The following C10orf67 variants were observed in gnomAD, a reference collection of about 807,000 sequenced individuals.
C10orf67 encodes uncharacterized protein C10orf67, mitochondrial.
Under a neutral mutation model 35.6 loss-of-function variants are expected in C10orf67, and 60 were observed. The observed-to-expected ratio is 1.68, with a 90% CI of 1.37 to 2.09. The LOEUF (loss-of-function observed/expected upper bound fraction) is 2.09. C10orf67 is among the 30% of genes most tolerant of loss of function. C10orf67 has a pLI of 0.00. For synonymous variants in C10orf67, 167 were observed against 115.8 expected, an observed-to-expected ratio of 1.44 and a Z score of -2.84; for missense variants, 474 against 330.2, an observed-to-expected ratio of 1.44 and a Z score of -3.38.
chr10:23,253,710 A>G (rs10764397), intron 10 of C10orf67, among the ~76,000 whole-genome samples: 19,450 of 152,152 alleles, frequency 0.13, 2,401 homozygotes, highest in East Asian at 0.66. Flanking sequence ...ATTAGTTTCA[A>G]TTTTTAAGGC....
chr10:23,298,457 G>C (rs1843963560), intron 5 of C10orf67, among the ~76,000 whole-genome samples: 1 of 152,132 alleles, frequency 6.6e-6, no homozygotes, highest in Non-Finnish European at 1.5e-5. Context: ...CTTGGGTTAG[G>C]GCTTTCTTTA....
chr10:23,273,886 T>C (rs536271717), intron 8 of C10orf67, among the ~76,000 whole-genome samples: 24 of 152,232 alleles, frequency 1.6e-4, no homozygotes, highest in Admixed American at 2.6e-4. Context: ...CTCTGTATTG[T>C]TTCTCACAGG....
intron 13 of C10orf67, among the ~76,000 whole-genome samples, chr10:23,227,608 A>G (rs908355420): frequency 2.6e-5 from 4 of 152,196 alleles, no homozygotes; most frequent in African/African-American, 9.7e-5. Context: ...CAGGAGAAAG[A>G]AATAAATGAT....
chr10:23,267,884 A>G (rs1467993457), intron 8 of C10orf67, among the ~76,000 whole-genome samples: 1 of 152,018 alleles, frequency 6.6e-6, no homozygotes, highest in Non-Finnish European at 1.5e-5. Flanking sequence ...CTGGGCAACA[A>G]GAGTGAAACT....
At chr10:23,222,867 G>A (rs575026736) in intron 15 of C10orf67, among the ~76,000 whole-genome samples, 75 of 152,232 alleles carry the variant, frequency 4.9e-4, no homozygotes, top group African/African-American at 1.8e-3. Flanking sequence ...GAGACAGCCA[G>A]GTTGCCCAGG....
At chr10:23,275,372 T>C (rs1309333568) in intron 8 of C10orf67, among the ~76,000 whole-genome samples, 2 of 152,170 alleles carry the variant, frequency 1.3e-5, no homozygotes, top group Non-Finnish European at 1.5e-5. Flanking sequence ...TGAATACAAA[T>C]TTGAGTTGCA....
At chr10:23,279,081 G>A (rs1418108770) in intron 8 of C10orf67, among the ~76,000 whole-genome samples, 1 of 152,168 alleles carries the variant, frequency 6.6e-6, no homozygotes, top group Non-Finnish European at 1.5e-5. Context: ...GCGAGGCCCT[G>A]TCTCTATATT....
intron 2 of C10orf67, 102 bp from the exon 3 acceptor site, chr10:23,322,639 A>T (rs1845004362): frequency 4.2e-6 from 3 of 707,182 alleles, no homozygotes; most frequent in Non-Finnish European, 7.0e-6. Flanking sequence ...ATGAGAACTC[A>T]TGTGCACAAA....
chr10:23,288,754 AT>A (rs1758337927), intron 7 of C10orf67, among the ~76,000 whole-genome samples: 1 of 152,140 alleles, frequency 6.6e-6, no homozygotes, highest in South Asian at 2.1e-4. Context: ...ATTTTGTCTG[AT>A]TTTAATCCAT....
At chr10:23,214,169 C>T (rs757230234) in intron 15 of C10orf67, among the ~76,000 whole-genome samples, 1 of 151,378 alleles carries the variant, frequency 6.6e-6, no homozygotes, top group African/African-American at 2.4e-5. Context: ...AAATGTATAA[C>T]AAAAAACTGA....
intron 4 of C10orf67, among the ~76,000 whole-genome samples, chr10:23,309,520 A>G (rs182043067): frequency 6.6e-6 from 1 of 152,338 alleles, no homozygotes; most frequent in Non-Finnish European, 1.5e-5. Context: ...AAGCATGCAC[A>G]TATACCCTCT....
intron 8 of C10orf67, among the ~76,000 whole-genome samples, chr10:23,278,394 G>C (rs1337249648): frequency 6.6e-6 from 1 of 152,182 alleles, no homozygotes; most frequent in Non-Finnish European, 1.5e-5. Context: ...TATAGTTCAT[G>C]CCATATATAG....
chr10:23,235,693 G>T (rs1842028768), intron 13 of C10orf67, among the ~76,000 whole-genome samples: 1 of 152,152 alleles, frequency 6.6e-6, no homozygotes, highest in Non-Finnish European at 1.5e-5. Context: ...AAAGTCTTAA[G>T]TAGATCCTTC....
At chr10:23,315,595 T>A (rs892314023) in intron 4 of C10orf67, among the ~76,000 whole-genome samples, 4 of 151,980 alleles carry the variant, frequency 2.6e-5, no homozygotes, top group Non-Finnish European at 5.9e-5. Flanking sequence ...CATGTCCCCA[T>A]GCCCAGCTGA....
rs1234021810 is a variant in C10orf67 at position 23,322,408 on chromosome 10, T to G, written c.457A>C (p.Lys153Gln). 1.2e-6 allele frequency: 2 copies of G among 1,609,700 alleles called. No homozygotes were observed. Among genetic ancestry groups the G allele is most frequent in the South Asian group, 1.1e-5 (1 of 90,772 alleles). Residue 153 changes from lysine (K) to glutamine (Q), a missense_variant, in exon 3 of 16, where the codon AAG (lysine) becomes CAG (glutamine). Coordinates refer to ENST00000636213, the MANE Select transcript of C10orf67 (RefSeq NM_001371909.1). ...AGAACATTTACCTGTTGATAATGCT[T>G]TTCAATTTCTAGGATCCTGTCATGC... ...ILHDRILEIE[K>Q]HYQQNEDKMR... is the part of the protein sequence containing the mutation.
At chr10:23,240,608 G>A (rs1228300295) in intron 12 of C10orf67, among the ~76,000 whole-genome samples, 1 of 152,198 alleles carries the variant, frequency 6.6e-6, no homozygotes, top group East Asian at 1.9e-4. Flanking sequence ...CGAAAATTAG[G>A]AGATTTGCTG....
At chr10:23,244,832 A>G (rs1170953086) in intron 12 of C10orf67, among the ~76,000 whole-genome samples, 1 of 152,238 alleles carries the variant, frequency 6.6e-6, no homozygotes, top group Non-Finnish European at 1.5e-5. Flanking sequence ...CATTTTTCAC[A>G]GAAGTAGGAA....
intron 4 of C10orf67, among the ~76,000 whole-genome samples, chr10:23,312,197 C>T (rs555362976): frequency 1.3e-5 from 2 of 152,274 alleles, no homozygotes; most frequent in South Asian, 4.1e-4. Flanking sequence ...TTCCGTAAGA[C>T]AAACTTTTTC....
At position 23,223,676 on chromosome 10, in the gene C10orf67, C is replaced by T. The variant is rs1295286612; in HGVS notation, c.1510-18G>A. On this transcript the variant is annotated intron_variant, in intron 14 of 15. Transcript: ENST00000636213. ...CCGTCTATCTGTAAGTGAACCAAAA[C>T]TTTTCATTACTTAAGTTGAATAATA... 1 of 717,310 alleles carries T rather than the reference C, an allele frequency of 1.4e-6. No individual in the cohort carries two copies. 44.4% of individuals were successfully genotyped at this position (717,310 alleles called of 1,614,324 possible). A position where few individuals can be genotyped will look rare whatever the true frequency, so the allele number is the denominator to read the frequency against.
Sources: allele counts gnomAD v4.1 joint callset (sites outside exome capture counted in the v4.1 genomes callset), GRCh38; gene constraint gnomAD v4.1.1; transcripts MANE v1.5; gene names NCBI Gene and HGNC (gene_info 2026-07-23, HGNC 2026-07-21).